The following CACNA2D1 variants were observed in gnomAD, a reference collection of about 807,000 sequenced individuals.
CACNA2D1 encodes calcium voltage-gated channel auxiliary subunit alpha2delta 1.
A neutral mutation model predicts 171.5 loss-of-function variants in CACNA2D1; 53 were observed. The observed-to-expected ratio is 0.31, with a 90% CI of 0.25 to 0.39. The LOEUF (loss-of-function observed/expected upper bound fraction) is 0.39. Ranked by LOEUF, CACNA2D1 falls within the 10% of genes least tolerant of loss-of-function variation. The pLI, the probability that CACNA2D1 is intolerant of heterozygous loss-of-function variation, is 1.00. For missense variants in CACNA2D1, 903 were observed against 1,299.8 expected (o/e 0.69, Z 4.69); for synonymous variants, 442 against 443.1 (o/e 1.00, Z 0.03).
At chr7:81,953,581 T>A (rs1001853851) in intron 38 of CACNA2D1, among the ~76,000 whole-genome samples, 3 of 151,808 alleles carry the variant, frequency 2.0e-5, no homozygotes, top group Non-Finnish European at 4.4e-5. Flanking sequence ...ATACTTTATA[T>A]AAATGTATTT....
At chr7:82,076,835 T>C (rs1809027405) in intron 7 of CACNA2D1, among the ~76,000 whole-genome samples, 1 of 152,204 alleles carries the variant, frequency 6.6e-6, no homozygotes, top group African/African-American at 2.4e-5. Context: ...TTGGATTAAC[T>C]GACCTCACTA....
chr7:82,384,512 C>T (rs1824103586), intron 1 of CACNA2D1, among the ~76,000 whole-genome samples: 1 of 151,928 alleles, frequency 6.6e-6, no homozygotes, highest in African/African-American at 2.4e-5. Context: ...TTCATTTAAG[C>T]CACCCAGTCT....
chr7:81,969,848 T>C (rs769660615), intron 28 of CACNA2D1, 33 bp downstream of exon 28: 10 of 1,255,056 alleles, frequency 8.0e-6, no homozygotes, highest in African/African-American at 7.4e-5. Context: ...ATTTAAAAAA[T>C]TGAGAAAAGC....
intron 4 of CACNA2D1, among the ~76,000 whole-genome samples, chr7:82,147,204 T>C (rs572831596): frequency 6.6e-6 from 1 of 152,110 alleles, no homozygotes; most frequent in East Asian, 1.9e-4. Flanking sequence ...TCAGAGTTCA[T>C]TGGCTCTTGA....
At chr7:82,270,880 A>G (rs1808535216) in intron 3 of CACNA2D1, among the ~76,000 whole-genome samples, 1 of 152,112 alleles carries the variant, frequency 6.6e-6, no homozygotes, top group Non-Finnish European at 1.5e-5. Flanking sequence ...CTTATGTCCC[A>G]TTTCAAGCTA....
chr7:81,950,788 TAAAG>T (rs1792429111), intron 38 of CACNA2D1, among the ~76,000 whole-genome samples: 1 of 152,022 alleles, frequency 6.6e-6, no homozygotes, highest in Non-Finnish European at 1.5e-5. Flanking sequence ...ATACTAATTT[TAAAG>T]AAAAAACTTT....
At chr7:82,074,594 T>C (rs146034517) in intron 7 of CACNA2D1, among the ~76,000 whole-genome samples, 67 of 152,240 alleles carry the variant, frequency 4.4e-4, no homozygotes, top group Non-Finnish European at 7.9e-4. Flanking sequence ...TGTTTACAAG[T>C]TTTCCTTTTC....
intron 24 of CACNA2D1, among the ~76,000 whole-genome samples, chr7:81,979,684 C>T (rs1256865404): frequency 6.6e-6 from 1 of 152,100 alleles, no homozygotes; most frequent in African/African-American, 2.4e-5. Context: ...CTCCTTAATA[C>T]TGAGAAAATT....
rs370363555 is a variant in CACNA2D1, at chr7:82,350,171, A to G, written c.96-522T>C. 3.9e-5 allele frequency among the ~76,000 whole-genome samples: 6 copies of G among 152,336 alleles called. No individual in the cohort carries two copies. The East Asian group carries it at 1.2e-3, about 29-fold the overall frequency. ...TAAAATGCATATCTCTTTTAGCTTT[A>G]TAACATATGATACATACTTTCCCAT... On this transcript the variant is annotated intron_variant, in intron 1 of 38. Transcript: ENST00000356860.
At chr7:82,343,048 A>G (rs1468072126) in intron 2 of CACNA2D1, 5 of 152,226 alleles carry the variant, frequency 3.3e-5, no homozygotes, top group African/African-American at 1.2e-4. Context: ...GCAATTATAT[A>G]CATACCACAT....
At chr7:82,001,334 T>C (rs1798582769) in intron 18 of CACNA2D1, among the ~76,000 whole-genome samples, 1 of 152,170 alleles carries the variant, frequency 6.6e-6, no homozygotes, top group Admixed American at 6.5e-5. Context: ...AGCAAATTGT[T>C]AGGATCACAT....
chr7:81,992,017 G>A (rs958949266), intron 20 of CACNA2D1, among the ~76,000 whole-genome samples: 1 of 115,302 alleles, frequency 8.7e-6, no homozygotes, highest in African/African-American at 3.6e-5. Flanking sequence ...TTTTTTTTTT[G>A]TATTTTTAGT....
chr7:82,393,554 C>A (rs1376183567), intron 1 of CACNA2D1, among the ~76,000 whole-genome samples: 2 of 152,136 alleles, frequency 1.3e-5, no homozygotes, highest in Non-Finnish European at 2.9e-5. Context: ...GATGCAGTTT[C>A]TCTGCATTCT....
chr7:82,279,724 A>T (rs116763163), intron 3 of CACNA2D1, among the ~76,000 whole-genome samples: 1,594 of 152,312 alleles, frequency 0.01, 22 homozygotes, highest in African/African-American at 0.036. Flanking sequence ...AGTTCCTTTT[A>T]ATAACTGATC....
At chr7:82,233,742 C>A (rs939170297) in intron 3 of CACNA2D1, among the ~76,000 whole-genome samples, 3 of 152,060 alleles carry the variant, frequency 2.0e-5, no homozygotes, top group South Asian at 2.1e-4. Context: ...AAACAACTCG[C>A]AGAGAGTAGT....
intron 3 of CACNA2D1, among the ~76,000 whole-genome samples, chr7:82,332,510 T>TAAAAGAAAGAAAGAAAGAAAGAAAG (rs1323648237): frequency 1.1e-5 from 1 of 92,554 alleles, no homozygotes; most frequent in African/African-American, 3.9e-5. Context: ...AAAAGAAATA[T>TAAAAGAAAGAAAGAAAGAAAGAAAG]AAAGAAAGAA....
At chr7:82,426,969 T>A (rs1829252802) in intron 1 of CACNA2D1, among the ~76,000 whole-genome samples, 1 of 152,228 alleles carries the variant, frequency 6.6e-6, no homozygotes, top group South Asian at 2.1e-4. Flanking sequence ...TTTTATTAGT[T>A]GTTTTAATCA....
chr7:82,350,400 T>TC (rs1391643923), intron 1 of CACNA2D1, among the ~76,000 whole-genome samples: 1 of 152,150 alleles, frequency 6.6e-6, no homozygotes, highest in Non-Finnish European at 1.5e-5. Context: ...ACACGGTGGC[T>TC]CACACCTGTA....
chr7:82,349,174 C>T (rs1301380593), intron 2 of CACNA2D1, among the ~76,000 whole-genome samples: 1 of 152,120 alleles, frequency 6.6e-6, no homozygotes, highest in African/African-American at 2.4e-5. Context: ...TATATGTTTT[C>T]ACTGAGGATA....
Sources: allele counts gnomAD v4.1 joint callset (sites outside exome capture counted in the v4.1 genomes callset), GRCh38; gene constraint gnomAD v4.1.1; transcripts MANE v1.5; gene names NCBI Gene and HGNC (gene_info 2026-07-23, HGNC 2026-07-21).